NELFB: variants seen among roughly 807,000 people sequenced by gnomAD.
NELFB encodes the protein negative elongation factor complex member B.
In NELFB, 34 loss-of-function variants were observed where a neutral mutation model predicts 60.2. The ratio of observed to expected loss-of-function variants is 0.56; its 90% CI spans 0.43 to 0.75. The LOEUF (loss-of-function observed/expected upper bound fraction) is 0.75. NELFB is among the 30% of genes least tolerant of loss of function. The pLI is 0.00. For missense variants in NELFB, 770 were observed against 831.6 expected (o/e 0.93, Z 0.91); for synonymous variants, 459 against 382.1 (o/e 1.20, Z -2.35).
rs1837546650 is a variant in NELFB at position 137,256,087 on chromosome 9, G to A, written c.410+17G>A. The stretch of plus-strand genomic sequence containing the variant: ...TGAGGAAAGGTGGGTCAGCGGGAGG[G>A]GTGGGCAGGTGAGATGTGCAGCCGG... On this transcript the variant is annotated intron_variant, in intron 2 of 12. Transcript: ENST00000343053. 2 of 1,609,196 alleles carry A rather than the reference G, an allele frequency of 1.2e-6. No individual in the cohort carries two copies. Among genetic ancestry groups the A allele is most frequent in the African/African-American group, 2.7e-5 (2 of 74,878 alleles).
intron 10 of NELFB, among the ~76,000 whole-genome samples, chr9:137,270,618 C>T (rs1830573245): frequency 6.7e-6 from 1 of 150,198 alleles, no homozygotes. Context: ...ATAAGACTGT[C>T]TTTAAATGCC....
Position 137,263,232 on chromosome 9 carries a change from C to G in NELFB, c.927+10C>G. On this transcript the variant is annotated intron_variant, in intron 5 of 12. Coordinates refer to ENST00000343053, the MANE Select transcript of NELFB (RefSeq NM_015456.5). ...GGACCCGTGCCACAAGGTAGCACTG[C>G]CCTCCCTCCTTCCCCCCTACCCTCC... is the stretch of plus-strand genomic sequence containing the variant. 3 of 1,597,706 alleles carry G rather than the reference C, an allele frequency of 1.9e-6. No individual in the cohort carries two copies. The highest frequency in any genetic ancestry group is 2.6e-6 in the Non-Finnish European group (3 of 1,169,640).
rs1165138454 is a variant in NELFB, at chr9:137,263,197, T to C, written c.902T>C (p.Ile301Thr). Residue 301 changes from isoleucine (I) to threonine (T), a missense_variant, in exon 5 of 13, where the codon ATC (isoleucine) becomes ACC (threonine). Transcript: ENST00000343053. ...CTGCACGACCTGGACGTGGGTGAAA[T>C]CTGCACCGTGGACCCGTGCCACAAG... 1 of 1,612,854 alleles carries C rather than the reference T, an allele frequency of 6.2e-7. No individual in the cohort carries two copies. The highest frequency in any genetic ancestry group is 8.5e-7 in the Non-Finnish European group (1 of 1,179,572).
At position 137,269,578 on chromosome 9, in the gene NELFB, T is replaced by C. The variant is rs879287857; in HGVS notation, c.1489+2232T>C. 1.3e-5 allele frequency among the ~76,000 whole-genome samples: 2 copies of C among 152,244 alleles called. No individual in the cohort carries two copies. The highest frequency in any genetic ancestry group is 1.5e-5 in the Non-Finnish European group (1 of 68,044). On this transcript the variant is annotated intron_variant, in intron 10 of 12. Coordinates refer to ENST00000343053, the MANE Select transcript of NELFB (RefSeq NM_015456.5). The surrounding 1 kb of genome is among the most constrained non-coding windows in gnomAD (Gnocchi z 5.3). The stretch of plus-strand genomic sequence containing the variant: ...GACAATACTGTATTTTTACTCCACT[T>C]TCTCTATTTAGATACACAGTTGCCA...
intron 4 of NELFB, among the ~76,000 whole-genome samples, chr9:137,257,851 C>T (rs1002497641): frequency 3.3e-5 from 5 of 151,248 alleles, no homozygotes; most frequent in Admixed American, 3.3e-4. Flanking sequence ...CTCTGTTGCA[C>T]AGGCTGGAGT....
At chr9:137,268,324 G>T (rs1830544369) in intron 10 of NELFB, among the ~76,000 whole-genome samples, 1 of 152,306 alleles carries the variant, frequency 6.6e-6, no homozygotes, top group African/African-American at 2.4e-5. Context: ...GGTGGCTCAG[G>T]CCTGTAATCC....
intron 10 of NELFB, 23 bp from the exon 11 acceptor site, chr9:137,272,058 G>A: frequency 6.2e-7 from 1 of 1,613,990 alleles, no homozygotes; most frequent in South Asian, 1.1e-5. Flanking sequence ...GTGGCACTGG[G>A]CTGATGCCTG....
Position 137,256,441 on chromosome 9 carries a change from CCCTAA to C in NELFB, c.510+16_510+20del. 1 of 1,610,948 alleles carries C rather than the reference CCCTAA, an allele frequency of 6.2e-7. No homozygotes were observed. Among genetic ancestry groups the C allele is most frequent in the Non-Finnish European group, 8.5e-7 (1 of 1,177,994 alleles). Reference sequence around the variant, plus strand: ...GCACCTGCCCAAGGTAGGGCCCTAACCCTAACCCTGATGGCGTGGACCGTCCGCCC... The same window carrying C: ...GCACCTGCCCAAGGTAGGGCCCTAACCCCTGATGGCGTGGACCGTCCGCCC... On this transcript the variant is annotated intron_variant, in intron 3 of 12. Transcript: ENST00000343053.
chr9:137,260,389 TTTTAAA>T (rs1398320295), intron 4 of NELFB, among the ~76,000 whole-genome samples: 4 of 146,022 alleles, frequency 2.7e-5, no homozygotes, highest in African/African-American at 7.5e-5. Context: ...AAAATTTATT[TTTTAAA>T]ATTTTTTTTA....
In NELFB at chr9:137,255,631, G is replaced by A. The variant is rs1325716677; in HGVS notation, c.246+20G>A. On this transcript the variant is annotated intron_variant, in intron 1 of 12. Coordinates refer to ENST00000343053, the MANE Select transcript of NELFB (RefSeq NM_015456.5). ...TTCCAGGTGGGGCGGCCCCCGGGGC[G>A]GGGGGAGCCCAGTTGGAGGGCCGGG... 5 of 1,538,632 alleles carry A rather than the reference G, an allele frequency of 3.2e-6. No homozygotes were observed. The highest frequency in any genetic ancestry group is 1.2e-5 in the South Asian group (1 of 82,930).
intron 5 of NELFB, 113 bp downstream of exon 5, chr9:137,263,335 G>A (rs1392573098): frequency 1.1e-6 from 1 of 906,350 alleles, no homozygotes; most frequent in Non-Finnish European, 1.6e-6. Flanking sequence ...CCCTCCTGAA[G>A]GTAGCGCTGC....
chr9:137,272,956 G>A lies in NELFB; in HGVS notation c.*28G>A, dbSNP rs2118993482. 2.0e-6 allele frequency: 3 copies of A among 1,481,450 alleles called. No homozygotes were observed. Among genetic ancestry groups the A allele is most frequent in the Non-Finnish European group, 9.0e-7 (1 of 1,111,798 alleles). 91.8% of individuals were successfully genotyped at this position (1,481,450 alleles called of 1,614,324 possible). A position where few individuals can be genotyped will look rare whatever the true frequency, so the allele number is the denominator to read the frequency against. On this transcript the variant is annotated 3_prime_UTR_variant, in exon 13 of 13. Transcript: ENST00000343053. ...GCCCTCCAGACCTGCTCGGGTGCTG[G>A]GGCCATGCCGAGTCGCGGCCCTGCT...
intron 1 of NELFB, 119 bp downstream of exon 1, chr9:137,255,730 T>C (rs1197030495): frequency 6.3e-6 from 9 of 1,425,726 alleles, no homozygotes; most frequent in Admixed American, 6.1e-5. Flanking sequence ...TGAGTCCTGT[T>C]CTGGGGGTGG....
At chr9:137,258,270 T>G (rs1185009227) in intron 4 of NELFB, among the ~76,000 whole-genome samples, 1 of 151,472 alleles carries the variant, frequency 6.6e-6, no homozygotes, top group African/African-American at 2.4e-5. Context: ...ACCACCGGTG[T>G]GTGACACCAT....
At chr9:137,256,737 C>A in intron 3 of NELFB, 87 bp from the exon 4 acceptor site, 1 of 1,278,098 alleles carries the variant, frequency 7.8e-7, no homozygotes, top group South Asian at 1.3e-5. Context: ...TCGAGGTGGT[C>A]TCTGCGGGGC....
chr9:137,268,818 C>T (rs1389602588), intron 10 of NELFB, among the ~76,000 whole-genome samples: 2 of 151,694 alleles, frequency 1.3e-5, no homozygotes, highest in East Asian at 3.9e-4. Flanking sequence ...AGATGAGACA[C>T]AGAGAGATGA....
In NELFB at chr9:137,273,054, T is replaced by G; in HGVS notation, c.*126T>G. The G allele has an allele frequency of 1.8e-6, 2 of 1,094,852 alleles. No homozygotes were observed. 67.8% of individuals were successfully genotyped at this position (1,094,852 alleles called of 1,614,324 possible). Reference sequence around the variant, plus strand: ...CCCGGGGCTATGGCTGGGCCTGTCCTGCCGTCATGGCCCCCTGCTTCCTGC... The same window carrying G: ...CCCGGGGCTATGGCTGGGCCTGTCCGGCCGTCATGGCCCCCTGCTTCCTGC... On this transcript the variant is annotated 3_prime_UTR_variant, in exon 13 of 13. Coordinates refer to ENST00000343053, the MANE Select transcript of NELFB (RefSeq NM_015456.5).
chr9:137,272,335 G>C (rs1229541004), intron 11 of NELFB, 113 bp downstream of exon 11: 1 of 1,530,478 alleles, frequency 6.5e-7, no homozygotes, highest in Non-Finnish European at 8.9e-7. Context: ...AGGTGGGTCT[G>C]TTGGGCACCA....
rs1040490164 is a variant in NELFB at position 137,272,675 on chromosome 9, T to C, written c.1740+60T>C. On this transcript the variant is annotated intron_variant, in intron 12 of 12. Transcript: ENST00000343053. Reference sequence around the variant, plus strand: ...TGGTCCCTACCAGCCCGTGTGTGCTTGCCAAGCTGCCCTTGTGGTGCTTGT... The same window carrying C: ...TGGTCCCTACCAGCCCGTGTGTGCTCGCCAAGCTGCCCTTGTGGTGCTTGT... The C allele has an allele frequency of 1.0e-5, 16 of 1,537,260 alleles. No homozygotes were observed. In the African/African-American group the frequency reaches 2.2e-4, roughly 21 times the overall value.
Sources: gnomAD v4.1 joint callset for allele counts (sites outside exome capture counted in the v4.1 genomes callset) on GRCh38, gnomAD v4.1.1 for gene constraint, Gnocchi (gnomAD v3.1) non-coding constraint, MANE v1.5 for transcripts, NCBI Gene and HGNC (gene_info 2026-07-23, HGNC 2026-07-21) for gene names.